The following GARNL3 variants were observed in gnomAD, a reference collection of about 807,000 sequenced individuals.
The protein encoded by GARNL3 is GTPase activating Rap/RanGAP domain like 3.
A neutral mutation model predicts 125.0 loss-of-function variants in GARNL3; 63 were observed. That is an observed-to-expected ratio of 0.50 (90% confidence interval 0.41 to 0.62). The LOEUF (loss-of-function observed/expected upper bound fraction) is 0.62. Among genes scored for constraint, GARNL3 ranks in the 20% least tolerant of loss-of-function variants. GARNL3 has a pLI of 0.00. For missense variants in GARNL3, 994 were observed against 1,244.0 expected (o/e 0.80, Z 3.02); for synonymous variants, 439 against 457.5 (o/e 0.96, Z 0.52).
At chr9:127,272,560 A>G (rs1222157930) in intron 1 of GARNL3, among the ~76,000 whole-genome samples, 1 of 151,846 alleles carries the variant, frequency 6.6e-6, no homozygotes, top group Non-Finnish European at 1.5e-5. Flanking sequence ...GCTCACTGCA[A>G]CCTCTGCCTC....
intron 22 of GARNL3, among the ~76,000 whole-genome samples, chr9:127,373,957 G>C (rs566411490): frequency 8.5e-5 from 13 of 152,226 alleles, no homozygotes; most frequent in African/African-American, 2.6e-4. Context: ...AGTGAGCCAA[G>C]ATCAGGCTAC....
intron 6 of GARNL3, among the ~76,000 whole-genome samples, chr9:127,322,218 T>C (rs1350879661): frequency 6.6e-6 from 1 of 152,144 alleles, no homozygotes; most frequent in African/African-American, 2.4e-5. Context: ...CAGGTTATTA[T>C]TCCTAATCCT....
chr9:127,351,310 G>A (rs920015278), intron 17 of GARNL3, among the ~76,000 whole-genome samples: 1 of 152,098 alleles, frequency 6.6e-6, no homozygotes, highest in Non-Finnish European at 1.5e-5. Flanking sequence ...TCAGATGTAA[G>A]GAGTATTGTG....
chr9:127,342,628 T>C (rs1829922012), intron 14 of GARNL3, among the ~76,000 whole-genome samples: 1 of 152,090 alleles, frequency 6.6e-6, no homozygotes, highest in African/African-American at 2.4e-5. Context: ...TCTGGAGCAT[T>C]GAAGAGTGCT....
At chr9:127,345,768 A>C (rs1371280806) in intron 16 of GARNL3, among the ~76,000 whole-genome samples, 3 of 152,224 alleles carry the variant, frequency 2.0e-5, no homozygotes, top group African/African-American at 7.2e-5. Context: ...CATACACATC[A>C]CTTGGACACC....
chr9:127,380,198 A>ATGTGTGTGTG (rs1458335111), intron 22 of GARNL3, among the ~76,000 whole-genome samples: 4 of 69,314 alleles, frequency 5.8e-5, no homozygotes, highest in African/African-American at 1.8e-4. Flanking sequence ...GTCTCAAAAA[A>ATGTGTGTGTG]TATGTGTGTG....
chr9:127,366,355 C>A (rs1269829844), intron 22 of GARNL3, among the ~76,000 whole-genome samples: 4 of 152,206 alleles, frequency 2.6e-5, no homozygotes, highest in African/African-American at 9.7e-5. Flanking sequence ...GAACTGTGCA[C>A]CCTCCTCAGA....
In GARNL3 at chr9:127,364,031, G is replaced by T. The variant is rs981300754; in HGVS notation, c.2095-1269G>T. The T allele has an allele frequency of 6.6e-6, 1 of 152,202 alleles. No homozygotes were observed. The highest frequency in any genetic ancestry group is 1.5e-5 in the Non-Finnish European group (1 of 68,060). The allele number at this position is 152,202 out of a possible 1,614,324, so 9.4% of individuals were successfully genotyped here. A position where few individuals can be genotyped will look rare whatever the true frequency, so the allele number is the denominator to read the frequency against. ...AAGCCATTTGCCACACACCACAGAG[G>T]CAGTAAGTGGCCTAGACAGGGCTTG... On this transcript the variant is annotated intron_variant, in intron 21 of 27. Coordinates refer to ENST00000373387, the MANE Select transcript of GARNL3 (RefSeq NM_032293.5). The surrounding 1 kb of genome is among the most constrained non-coding windows in gnomAD (Gnocchi z 4.2).
At chr9:127,274,012 T>C (rs1454376424) in intron 1 of GARNL3, among the ~76,000 whole-genome samples, 1 of 152,240 alleles carries the variant, frequency 6.6e-6, no homozygotes, top group Non-Finnish European at 1.5e-5. Context: ...GCTCAGTATC[T>C]CATTTTATCC....
At chr9:127,256,829 C>G (rs2063503418) in intron 2 of GARNL3, among the ~76,000 whole-genome samples, 1 of 152,184 alleles carries the variant, frequency 6.6e-6, no homozygotes, top group Admixed American at 6.5e-5. Flanking sequence ...GATGTTGATA[C>G]AATCCACTGA....
rs945663148 is a variant in GARNL3 at position 127,280,707 on chromosome 9, G to A, written c.145-10461G>A. Among the ~76,000 whole-genome samples the A allele has an allele frequency of 4.1e-4, 63 of 152,192 alleles. No individual in the cohort carries two copies. Among genetic ancestry groups the A allele is most frequent in the African/African-American group, 1.5e-3 (62 of 41,450 alleles). ...GTGAATTTTCACAAGTCTTTTACTG[G>A]GAAATGGAGTATCAGGGACTACTGT... On this transcript the variant is annotated intron_variant, in intron 1 of 27. Coordinates refer to ENST00000373387, the MANE Select transcript of GARNL3 (RefSeq NM_032293.5). This position sits in a 1 kb window ranked among gnomAD's most constrained non-coding sequence, Gnocchi z 4.5.
In GARNL3 at chr9:127,248,233, G is replaced by A. The variant is rs202147122; in HGVS notation, c.143+4984G>A. On this transcript the variant is annotated intron_variant, in intron 2 of 10. Transcript: ENST00000439286. ...CCCATGGAGAAGAGAGGTTGGAAGG[G>A]CGGCTGACTCGTCCCCTGCCCCATT... 1.1e-3 allele frequency among the ~76,000 whole-genome samples: 164 copies of A among 152,310 alleles called. 1 individual carries two copies. Among genetic ancestry groups the A allele is most frequent in the East Asian group, 6.0e-3 (31 of 5,192 alleles).
At chr9:127,296,134 A>G (rs1250669196) in intron 2 of GARNL3, among the ~76,000 whole-genome samples, 2 of 152,150 alleles carry the variant, frequency 1.3e-5, no homozygotes, top group Non-Finnish European at 2.9e-5. Context: ...ATCTGACAGG[A>G]GACGGAGCTC....
At chr9:127,243,043 T>G in intron 1 of GARNL3, 2 of 1,319,626 alleles carry the variant, frequency 1.5e-6, no homozygotes, top group South Asian at 2.4e-5. Context: ...CGTTCTTCTC[T>G]GTCTCTTAGT....
rs2065530773 is a variant in GARNL3, at chr9:127,325,200, T to C, written c.594+105T>C. 7.2e-6 allele frequency: 8 copies of C among 1,110,756 alleles called. No individual in the cohort carries two copies. In the East Asian group the frequency reaches 1.7e-4, roughly 23 times the overall value. 68.8% of individuals were successfully genotyped at this position (1,110,756 alleles called of 1,614,324 possible). A position where few individuals can be genotyped will look rare whatever the true frequency, so the allele number is the denominator to read the frequency against. ...GCCTTTGCTTTCAGCCAAATCTCCA[T>C]GTAGATTTGCACAGTGGGACACATT... On this transcript the variant is annotated intron_variant, in intron 7 of 27. Transcript: ENST00000373387.
intron 2 of GARNL3, among the ~76,000 whole-genome samples, chr9:127,248,556 C>G: frequency 6.7e-6 from 1 of 148,712 alleles, no homozygotes; most frequent in African/African-American, 2.5e-5. Flanking sequence ...GAAACACTGA[C>G]AGCAAGGAAA....
chr9:127,301,385 T>C (rs1277956856), intron 2 of GARNL3, among the ~76,000 whole-genome samples: 1 of 152,174 alleles, frequency 6.6e-6, no homozygotes, highest in African/African-American at 2.4e-5. Context: ...CCCATCTTTT[T>C]CACATGTGCT....
chr9:127,231,194 A>G (rs983029349), intron 1 of GARNL3, among the ~76,000 whole-genome samples: 15 of 144,912 alleles, frequency 1.0e-4, no homozygotes, highest in Admixed American at 4.8e-4. Flanking sequence ...AGCTGGGACT[A>G]CAGGCGCCCG....
chr9:127,240,071 A>G (rs2063177361), intron 1 of GARNL3, among the ~76,000 whole-genome samples: 1 of 152,232 alleles, frequency 6.6e-6, no homozygotes, highest in African/African-American at 2.4e-5. Context: ...TGATGTAGAA[A>G]GATGTGTAAG....
Sources: gnomAD v4.1 joint callset for allele counts (sites outside exome capture counted in the v4.1 genomes callset) on GRCh38, gnomAD v4.1.1 for gene constraint, Gnocchi (gnomAD v3.1) non-coding constraint, MANE v1.5 for transcripts, NCBI Gene and HGNC (gene_info 2026-07-23, HGNC 2026-07-21) for gene names.